Variants in CSMD1 observed in about 807,000 individuals in gnomAD.
CSMD1 encodes the protein CUB and sushi domain-containing protein 1.
Under a neutral mutation model 417.5 loss-of-function variants are expected in CSMD1, and 213 were observed. That is an observed-to-expected ratio of 0.51 (90% CI 0.46 to 0.57). The LOEUF (loss-of-function observed/expected upper bound fraction) is 0.57. Among genes scored for constraint, CSMD1 ranks in the 20% least tolerant of loss-of-function variants. CSMD1 has a pLI of 0.00. For synonymous variants in CSMD1, 2,862 were observed against 1,736.8 expected (o/e 1.65, Z -16.11); for missense variants, 6,923 against 4,529.7 (o/e 1.53, Z -15.17).
chr8:4,060,999 C>G, intron 3 of CSMD1, among the ~76,000 whole-genome samples: 1 of 151,970 alleles, frequency 6.6e-6, no homozygotes, highest in African/African-American at 2.4e-5. Flanking sequence ...GCAAGCAAAG[C>G]AAAAAAGAGA....
intron 7 of CSMD1, among the ~76,000 whole-genome samples, chr8:3,622,441 C>T (rs1253623912): frequency 5.3e-5 from 8 of 152,162 alleles, no homozygotes; most frequent in East Asian, 1.9e-4. Flanking sequence ...ACTTGCATGT[C>T]TCCTTTTCTA....
intron 20 of CSMD1, among the ~76,000 whole-genome samples, chr8:3,363,859 G>A (rs1809372790): frequency 6.6e-6 from 1 of 152,184 alleles, no homozygotes; most frequent in African/African-American, 2.4e-5. Flanking sequence ...CACATAGTTA[G>A]CAACTAGTAG....
intron 2 of CSMD1, among the ~76,000 whole-genome samples, chr8:4,582,301 T>C (rs7017584): frequency 0.21 from 31,844 of 152,076 alleles, 3,748 homozygotes; most frequent in African/African-American, 0.33. Context: ...AACAGCTTGT[T>C]ATCAGACCAA....
At chr8:3,686,008 C>G (rs1301305714) in intron 7 of CSMD1, among the ~76,000 whole-genome samples, 6 of 151,918 alleles carry the variant, frequency 3.9e-5, no homozygotes, top group Non-Finnish European at 7.4e-5. Flanking sequence ...TTCTTTCTTT[C>G]TTTCTGTATT....
intron 3 of CSMD1, among the ~76,000 whole-genome samples, chr8:4,374,321 C>T (rs1001649953): frequency 1.3e-5 from 2 of 152,022 alleles, no homozygotes; most frequent in Non-Finnish European, 2.9e-5. Context: ...AATTACAGTA[C>T]AATGTAATCT....
chr8:4,189,068 T>A (rs1027601029), intron 3 of CSMD1, among the ~76,000 whole-genome samples: 1 of 152,188 alleles, frequency 6.6e-6, no homozygotes, highest in Non-Finnish European at 1.5e-5. Context: ...GAGTGAAAGT[T>A]AATTATCTAG....
chr8:3,118,724 G>C, intron 41 of CSMD1, 137 bp from the exon 42 acceptor site: 1 of 680,292 alleles, frequency 1.5e-6, no homozygotes. Context: ...TTTCTAAGTA[G>C]TCAGTTGCCA....
intron 1 of CSMD1, among the ~76,000 whole-genome samples, chr8:4,703,750 C>G (rs186543981): frequency 6.6e-6 from 1 of 152,042 alleles, no homozygotes; most frequent in African/African-American, 2.4e-5. Context: ...TTACTAAAAT[C>G]CAGAGTACAG....
At chr8:4,048,575 G>C (rs73658545) in intron 3 of CSMD1, among the ~76,000 whole-genome samples, 5,798 of 152,216 alleles carry the variant, frequency 0.038, 349 homozygotes, top group African/African-American at 0.12. Context: ...ACCTGAGGTG[G>C]TGTGGCTCCA....
At chr8:3,341,114 G>C (rs997958076) in intron 23 of CSMD1, among the ~76,000 whole-genome samples, 4 of 152,140 alleles carry the variant, frequency 2.6e-5, no homozygotes, top group African/African-American at 9.7e-5. Context: ...CTGGATGCCG[G>C]GGAGCAATAG....
chr8:3,061,069 A>G (rs1178903584), intron 49 of CSMD1, among the ~76,000 whole-genome samples: 2 of 152,214 alleles, frequency 1.3e-5, no homozygotes, highest in African/African-American at 4.8e-5. Context: ...TATGTTATAG[A>G]AACAGAATAG....
At chr8:3,465,226 G>T (rs372295534) in intron 12 of CSMD1, among the ~76,000 whole-genome samples, 1 of 152,124 alleles carries the variant, frequency 6.6e-6, no homozygotes, top group Non-Finnish European at 1.5e-5. Flanking sequence ...TTCAGGGGAT[G>T]CACAGGCCCT....
chr8:4,257,662 G>T (rs540432649), intron 3 of CSMD1, among the ~76,000 whole-genome samples: 5 of 152,310 alleles, frequency 3.3e-5, no homozygotes, highest in Admixed American at 2.0e-4. Flanking sequence ...TTACAGCATA[G>T]GTCTCAGGGT....
chr8:4,427,132 G>A (rs6983396), intron 2 of CSMD1, among the ~76,000 whole-genome samples: 122,232 of 151,730 alleles, frequency 0.81, 49,495 homozygotes, highest in Middle Eastern at 0.87. Flanking sequence ...AGCCTCTCCT[G>A]CCAGGTAGGG....
chr8:3,637,153 G>C (rs868198178), intron 7 of CSMD1, among the ~76,000 whole-genome samples: 4 of 152,218 alleles, frequency 2.6e-5, no homozygotes, highest in South Asian at 4.1e-4. Flanking sequence ...TTCTGTTATA[G>C]CAACACAAAA....
At chr8:3,890,999 A>G (rs1002087194) in intron 5 of CSMD1, among the ~76,000 whole-genome samples, 3 of 151,986 alleles carry the variant, frequency 2.0e-5, no homozygotes, top group Admixed American at 2.0e-4. Context: ...TTTATAGCTA[A>G]GGAAAATGAA....
intron 2 of CSMD1, among the ~76,000 whole-genome samples, chr8:4,589,900 G>T (rs1476766294): frequency 6.6e-6 from 1 of 152,086 alleles, no homozygotes. Context: ...CCTGCCTTCT[G>T]ACACCATAGA....
intron 3 of CSMD1, among the ~76,000 whole-genome samples, chr8:4,348,112 T>C (rs1214454282): frequency 6.6e-6 from 1 of 152,196 alleles, no homozygotes; most frequent in Non-Finnish European, 1.5e-5. Flanking sequence ...CTTGGCTAAC[T>C]ACCAGTTAGA....
intron 8 of CSMD1, among the ~76,000 whole-genome samples, chr8:3,603,964 T>C (rs1365830809): frequency 6.6e-6 from 1 of 152,198 alleles, no homozygotes; most frequent in Non-Finnish European, 1.5e-5. Flanking sequence ...TTCTTACAAG[T>C]TTACCTGTAA....
Sources: allele counts gnomAD v4.1 joint callset (sites outside exome capture counted in the v4.1 genomes callset), GRCh38; gene constraint gnomAD v4.1.1; transcripts MANE v1.5; gene names NCBI Gene and HGNC (gene_info 2026-07-23, HGNC 2026-07-21).